The following MDN1 variants were observed in gnomAD, a reference collection of about 807,000 sequenced individuals.
The protein encoded by MDN1 is midasin.
In MDN1, 266 loss-of-function variants were observed where a neutral mutation model predicts 669.2. The observed-to-expected ratio is 0.40, with a 90% CI of 0.36 to 0.44. The LOEUF is 0.44. MDN1 is among the 20% of genes least tolerant of loss of function. MDN1 has a pLI of 1.00. For missense variants in MDN1, 5,940 were observed against 6,754.0 expected (o/e 0.88, Z 4.22); for synonymous variants, 2,385 against 2,457.1 (o/e 0.97, Z 0.87).
At chr6:89,672,818 T>C (rs1219736420) in intron 80 of MDN1, 116 bp from the exon 81 acceptor site, 9 of 1,147,294 alleles carry the variant, frequency 7.8e-6, no homozygotes, top group African/African-American at 1.6e-5. Context: ...TGTGTCAAGC[T>C]GTGCCAGATA....
chr6:89,720,113 AAAAT>A (rs1173987214), intron 40 of MDN1, among the ~76,000 whole-genome samples: 1 of 152,080 alleles, frequency 6.6e-6, no homozygotes, highest in Non-Finnish European at 1.5e-5. Flanking sequence ...TTAAAAAATA[AAAAT>A]AATATAGATA....
chr6:89,684,584 G>T (rs1811876476), intron 71 of MDN1, among the ~76,000 whole-genome samples: 1 of 152,108 alleles, frequency 6.6e-6, no homozygotes, highest in Non-Finnish European at 1.5e-5. Flanking sequence ...ACATGGCATA[G>T]CTCTGAGGTG....
chr6:89,673,197 C>A, intron 80 of MDN1, 39 bp downstream of exon 80: 1 of 1,512,478 alleles, frequency 6.6e-7, no homozygotes, highest in Non-Finnish European at 9.2e-7. Context: ...ATCATTTCTA[C>A]ACTGGACTTT....
In MDN1 at chr6:89,819,640, C is replaced by T. The variant is rs868271417; in HGVS notation, c.-33G>A. The T allele has an allele frequency of 1.9e-6, 3 of 1,572,854 alleles. No homozygotes were observed. The highest frequency in any genetic ancestry group is 1.7e-6 in the Non-Finnish European group (2 of 1,155,900). On this transcript the variant is annotated 5_prime_UTR_variant, in exon 1 of 102. Transcript: ENST00000369393. ...GGCCCTCACCCCGAGCGGCCACCTG[C>T]GCTCCCTACTTCGCGGCCAGCGTCC...
At chr6:89,723,821 T>A in intron 38 of MDN1, among the ~76,000 whole-genome samples, 1 of 151,466 alleles carries the variant, frequency 6.6e-6, no homozygotes. Context: ...TGAGTAGAGG[T>A]TTTGTTTTTA....
intron 20 of MDN1, 82 bp downstream of exon 20, chr6:89,756,195 A>G: frequency 3.3e-6 from 2 of 603,236 alleles, no homozygotes; most frequent in Non-Finnish European, 5.6e-6. Flanking sequence ...GTAAAAAAGA[A>G]TACATATTTG....
chr6:89,675,570 T>A lies in MDN1; in HGVS notation c.12655A>T (p.Met4219Leu). The A allele has an allele frequency of 6.2e-7, 1 of 1,613,638 alleles. No homozygotes were observed. The highest frequency in any genetic ancestry group is 8.5e-7 in the Non-Finnish European group (1 of 1,179,822). Reference protein sequence around the residue: ...ALATPAKEMGMGNVERCRGFS... With the variant: ...ALATPAKEMGLGNVERCRGFS... ...CCTCTGCACCTCTCCACGTTGCCCATGCCCATTTCCTGGCAGAAGAAGGAA... is the reference window on the plus strand; with the variant it reads ...CCTCTGCACCTCTCCACGTTGCCCAAGCCCATTTCCTGGCAGAAGAAGGAA... The change falls in exon 78 of 102, where the codon ATG becomes TTG. Residue 4219 changes from methionine (M) to leucine (L), a missense_variant. Around this residue, in one of 5 missense-constraint regions of MDN1, gnomAD observed 2,280 missense variants for 2,576.3 expected, o/e 0.88. Coordinates refer to ENST00000369393, the MANE Select transcript of MDN1 (RefSeq NM_014611.3).
Position 89,688,065 on chromosome 6 carries a change from G to T in MDN1, c.11355+13C>A. The T allele has an allele frequency of 6.2e-7, 1 of 1,602,624 alleles. No individual in the cohort carries two copies. The highest frequency in any genetic ancestry group is 8.6e-7 in the Non-Finnish European group (1 of 1,169,566). ...ACCACCAACTAAAATGAGGAAGAGA[G>T]GTATTAGCTCACCTGTGCCTTTGCC... On this transcript the variant is annotated intron_variant, in intron 67 of 101. Transcript: ENST00000369393.
chr6:89,709,563 ATTGT>A (rs1404452138), intron 50 of MDN1, among the ~76,000 whole-genome samples: 1 of 152,122 alleles, frequency 6.6e-6, no homozygotes, highest in Non-Finnish European at 1.5e-5. Context: ...ATTTTTCTCT[ATTGT>A]TTGATTTCTT....
At chr6:89,809,759 G>C (rs1423632636) in intron 1 of MDN1, among the ~76,000 whole-genome samples, 6 of 140,354 alleles carry the variant, frequency 4.3e-5, no homozygotes, top group African/African-American at 1.7e-4. Flanking sequence ...CTGGGTGCCA[G>C]AGCAAGACTC....
At chr6:89,778,203 TAA>T (rs71556528) in intron 11 of MDN1, among the ~76,000 whole-genome samples, 16 of 136,808 alleles carry the variant, frequency 1.2e-4, no homozygotes, top group East Asian at 2.1e-4. Flanking sequence ...TCTCAACTAA[TAA>T]AAAAAAAAAA....
At chr6:89,811,188 T>TA (rs1768391747) in intron 1 of MDN1, among the ~76,000 whole-genome samples, 1 of 152,154 alleles carries the variant, frequency 6.6e-6, no homozygotes, top group Admixed American at 6.6e-5. Flanking sequence ...AATGAAGTTT[T>TA]AAAAAATTAT....
Position 89,652,172 on chromosome 6 carries a change from A to T in MDN1, c.15915+20T>A. ...AAAAGTCGAGATATTTTATGAAAAA[A>T]ACAGTGAGCAGTGACTTACCTCCTC... On this transcript the variant is annotated intron_variant, in intron 95 of 101. Coordinates refer to ENST00000369393, the MANE Select transcript of MDN1 (RefSeq NM_014611.3). 2 of 1,594,778 alleles carry T rather than the reference A, an allele frequency of 1.3e-6. No individual in the cohort carries two copies. The highest frequency in any genetic ancestry group is 1.7e-6 in the Non-Finnish European group (2 of 1,171,638).
At chr6:89,716,511 T>C (rs1303171967) in intron 44 of MDN1, 139 bp downstream of exon 44, 27 of 840,084 alleles carry the variant, frequency 3.2e-5, no homozygotes, top group Middle Eastern at 3.5e-4. Flanking sequence ...GGGAGAAGTC[T>C]ACAGAATATG....
chr6:89,774,614 T>C lies in MDN1; in HGVS notation c.1934+7A>G, dbSNP rs773368729. 1.2e-6 allele frequency: 2 copies of C among 1,607,034 alleles called. No homozygotes were observed. On this transcript the variant is annotated splice_region_variant and intron_variant, in intron 13 of 101. Coordinates refer to ENST00000369393, the MANE Select transcript of MDN1 (RefSeq NM_014611.3). ...CAGTTGGCAGCTTAGTTTAGAGCCC[T>C]ACTTACCTCTGTAGGTGAACAGCCT...
At chr6:89,757,426 A>C (rs1302195346) in intron 19 of MDN1, among the ~76,000 whole-genome samples, 1 of 152,244 alleles carries the variant, frequency 6.6e-6, no homozygotes, top group East Asian at 1.9e-4. Flanking sequence ...CTGAGGAAGG[A>C]AAGATTTTTA....
rs752150400 is a variant in MDN1 at position 89,702,040 on chromosome 6, G to A, written c.8170C>T (p.Arg2724Trp). ...ANEILGSLRW[R>W]DRFWTVADTV... ...TCGGCCACAGTCCAGAACCGGTCCC[G>A]CCACCGCAGAGAACCTAAGATCTAA... The change falls in exon 54 of 102, where the codon CGG becomes TGG. Residue 2724 changes from arginine (R) to tryptophan (W), a missense_variant. Coordinates refer to ENST00000369393, the MANE Select transcript of MDN1 (RefSeq NM_014611.3). 2 of 1,605,440 alleles carry A rather than the reference G, an allele frequency of 1.2e-6. No homozygotes were observed. Among genetic ancestry groups the A allele is most frequent in the Non-Finnish European group, 1.7e-6 (2 of 1,176,700 alleles).
chr6:89,686,008 C>T (rs904886129), intron 69 of MDN1, 35 bp from the exon 70 acceptor site: 2 of 1,599,260 alleles, frequency 1.3e-6, no homozygotes, highest in South Asian at 1.1e-5. Context: ...ATATATGTTC[C>T]TTCGACCATG....
chr6:89,762,188 C>T, intron 16 of MDN1, 131 bp downstream of exon 16: 1 of 728,216 alleles, frequency 1.4e-6, no homozygotes, highest in Non-Finnish European at 2.3e-6. Context: ...CACAATACTT[C>T]ACAATTAGTC....
Sources: allele counts gnomAD v4.1 joint callset (sites outside exome capture counted in the v4.1 genomes callset), GRCh38; gene constraint gnomAD v4.1.1; regional missense constraint gnomAD v4.1.1; transcripts MANE v1.5; gene names NCBI Gene and HGNC (gene_info 2026-07-23, HGNC 2026-07-21).